Variants in RGS6 observed in about 807,000 individuals in gnomAD.
RGS6 encodes the protein regulator of G protein signaling 6.
Under a neutral mutation model 78.5 loss-of-function variants are expected in RGS6, and 30 were observed. That is an observed-to-expected ratio of 0.38 (90% confidence interval 0.29 to 0.52). The LOEUF (loss-of-function observed/expected upper bound fraction) is 0.52, where lower values mean the gene tolerates loss of function less well. Among genes scored for constraint, RGS6 ranks in the 20% least tolerant of loss-of-function variants. The pLI, the probability that RGS6 is intolerant of heterozygous loss-of-function variation, is 0.85. For synonymous variants in RGS6, 206 were observed against 206.0 expected (o/e 1.00, Z 0.00); for missense variants, 495 against 609.7 (o/e 0.81, Z 1.98).
chr14:71,902,287 T>G, the RGS6 span, among the ~76,000 whole-genome samples: 1 of 152,238 alleles, frequency 6.6e-6, no homozygotes, highest in African/African-American at 2.4e-5. Context: ...CCCACTCACT[T>G]TGTACACAAA....
intron 2 of RGS6, among the ~76,000 whole-genome samples, chr14:72,206,038 A>T (rs1415256137): frequency 6.6e-6 from 1 of 152,260 alleles, no homozygotes; most frequent in African/African-American, 2.4e-5. Context: ...ATTCTTGCAC[A>T]TATATACAAG....
At chr14:72,478,158 C>G (rs1292051081) in intron 11 of RGS6, 110 bp from the exon 12 acceptor site, 1 of 737,518 alleles carries the variant, frequency 1.4e-6, no homozygotes, top group African/African-American at 1.8e-5. Flanking sequence ...AGATGTCTGG[C>G]CAGAGGAGGT....
intron 2 of RGS6, among the ~76,000 whole-genome samples, chr14:71,991,751 T>A (rs185002173): frequency 3.3e-5 from 5 of 152,324 alleles, no homozygotes; most frequent in African/African-American, 7.2e-5. Flanking sequence ...CATAATAGAT[T>A]GAGAATATTT....
chr14:72,415,426 G>T (rs935355915), intron 3 of RGS6, among the ~76,000 whole-genome samples: 2 of 152,216 alleles, frequency 1.3e-5, no homozygotes, highest in Non-Finnish European at 2.9e-5. Context: ...CAATTTTCTG[G>T]GTTCCGTCTG....
chr14:72,493,035 G>A (rs2096598683), intron 12 of RGS6, among the ~76,000 whole-genome samples: 1 of 152,080 alleles, frequency 6.6e-6, no homozygotes, highest in African/African-American at 2.4e-5. Context: ...CCCTCATTTG[G>A]AGCTCCCATT....
chr14:72,554,948 G>A (rs2097550571), intron 17 of RGS6, among the ~76,000 whole-genome samples: 1 of 152,206 alleles, frequency 6.6e-6, no homozygotes, highest in Non-Finnish European at 1.5e-5. Context: ...GCACAGCTGG[G>A]GGGCCATGGA....
At chr14:72,603,698 G>A in the RGS6 span, among the ~76,000 whole-genome samples, 1 of 60,102 alleles carries the variant, frequency 1.7e-5, no homozygotes, top group South Asian at 4.6e-4. Flanking sequence ...GACAGGGATA[G>A]GTAAAACATA....
the RGS6 span, among the ~76,000 whole-genome samples, chr14:72,584,987 A>G: frequency 6.6e-6 from 1 of 152,342 alleles, no homozygotes; most frequent in East Asian, 1.9e-4. Context: ...CAGAAACCCA[A>G]CATGCAGTCA....
At chr14:72,588,947 C>T in the RGS6 span, among the ~76,000 whole-genome samples, 1 of 152,168 alleles carries the variant, frequency 6.6e-6, no homozygotes, top group East Asian at 1.9e-4. Context: ...GCATGCCCCC[C>T]CAACTCTGTT....
intron 2 of RGS6, among the ~76,000 whole-genome samples, chr14:72,290,777 C>G (rs188406015): frequency 1.3e-5 from 2 of 152,174 alleles, no homozygotes; most frequent in African/African-American, 2.4e-5. Flanking sequence ...GAGCCTCACA[C>G]GGATTAATTA....
Position 72,471,144 on chromosome 14 carries a change from A to G in RGS6, c.536+1061A>G, listed in dbSNP as rs1376079954. On this transcript the variant is annotated intron_variant, in intron 8 of 17. Coordinates refer to ENST00000553525, the MANE Select transcript of RGS6 (RefSeq NM_001204424.2). Reference sequence around the variant, plus strand: ...TCAATTTCTTCTTTCAAGTCTACCAATTAGTTAAGTCATTTTTCCTCCACA... The same window carrying G: ...TCAATTTCTTCTTTCAAGTCTACCAGTTAGTTAAGTCATTTTTCCTCCACA... Among the ~76,000 whole-genome samples, 3 of 152,322 alleles carry G rather than the reference A, an allele frequency of 2.0e-5. No homozygotes were observed. In the East Asian group the frequency reaches 5.8e-4, roughly 29 times the overall value.
intron 2 of RGS6, among the ~76,000 whole-genome samples, chr14:72,252,504 C>T (rs2056057827): frequency 6.6e-6 from 1 of 152,134 alleles, no homozygotes; most frequent in Non-Finnish European, 1.5e-5. Flanking sequence ...AGAAATACTG[C>T]TTTAAAGCCA....
At chr14:72,518,328 CTG>C (rs746979081) in intron 14 of RGS6, 21 bp from the exon 15 acceptor site, 5 of 1,608,492 alleles carry the variant, frequency 3.1e-6, no homozygotes, top group Non-Finnish European at 4.3e-6. Flanking sequence ...CTGGAACTGA[CTG>C]TGTTTCTGCT....
At chr14:72,349,703 T>G (rs1374465854) in intron 2 of RGS6, among the ~76,000 whole-genome samples, 1 of 152,234 alleles carries the variant, frequency 6.6e-6, no homozygotes, top group African/African-American at 2.4e-5. Context: ...CTTTAGTAAA[T>G]GAGCCTTCTA....
In RGS6 at chr14:72,214,524, G is replaced by A. The variant is rs148919544; in HGVS notation, c.85-137571G>A. ...AACGTGATTGAGCTACAATGCAGGC[G>A]TCTGACCATCTTATTTTTAGCCCCC... On this transcript the variant is annotated intron_variant, in intron 2 of 17. Coordinates refer to ENST00000553525, the MANE Select transcript of RGS6 (RefSeq NM_001204424.2). Among the ~76,000 whole-genome samples the A allele has an allele frequency of 2.1e-4, 32 of 152,262 alleles. 1 individual carries two copies. The highest frequency in any genetic ancestry group is 7.2e-4 in the Admixed American group (11 of 15,294).
chr14:71,969,096 T>G (rs146212605), intron 2 of RGS6, among the ~76,000 whole-genome samples: 133 of 152,318 alleles, frequency 8.7e-4, no homozygotes, highest in African/African-American at 3.1e-3. Context: ...GTTCTTGCAA[T>G]AGTTTGCTGA....
At chr14:71,882,062 C>T in the RGS6 span, among the ~76,000 whole-genome samples, 9 of 152,298 alleles carry the variant, frequency 5.9e-5, no homozygotes, top group Non-Finnish European at 8.8e-5. Flanking sequence ...AGAACTTTTA[C>T]GCCATCCCAG....
At chr14:71,960,373 A>G (rs917821622) in intron 1 of RGS6, among the ~76,000 whole-genome samples, 5 of 152,228 alleles carry the variant, frequency 3.3e-5, no homozygotes, top group African/African-American at 9.6e-5. Flanking sequence ...GTGATGCTAT[A>G]CATGGGTCTT....
At chr14:72,171,235 CAAG>C (rs2097012665) in intron 2 of RGS6, among the ~76,000 whole-genome samples, 2 of 152,074 alleles carry the variant, frequency 1.3e-5, no homozygotes, top group Non-Finnish European at 2.9e-5. Flanking sequence ...CAGACACACA[CAAG>C]AGGCACATGT....
Sources: allele counts gnomAD v4.1 joint callset (sites outside exome capture counted in the v4.1 genomes callset), GRCh38; gene constraint gnomAD v4.1.1; transcripts MANE v1.5; gene names NCBI Gene and HGNC (gene_info 2026-07-23, HGNC 2026-07-21).